The following CREBBP variants were observed in gnomAD, a reference collection of about 807,000 sequenced individuals.
CREBBP encodes CREB-binding protein.
In CREBBP, 19 loss-of-function variants were observed where a neutral mutation model predicts 265.0. That is an observed-to-expected ratio of 0.07 (90% CI 0.05 to 0.11). The LOEUF is 0.11. CREBBP is among the 10% of genes least tolerant of loss of function. The pLI is 1.00. For synonymous variants in CREBBP, 1,457 were observed against 1,223.7 expected (o/e 1.19, Z -3.98); for missense variants, 2,525 against 3,219.0 (o/e 0.78, Z 5.22).
chr16:3,870,691 G>C lies in CREBBP; in HGVS notation c.85+9141C>G, dbSNP rs190243161. Among the ~76,000 whole-genome samples, 53 of 152,312 alleles carry C rather than the reference G, an allele frequency of 3.5e-4. 1 individual carries two copies. The highest frequency in any genetic ancestry group is 4.4e-4 in the Non-Finnish European group (30 of 68,032). ...GGGGCAGAAGCTTCCCATGTATTCA[G>C]TGAGAAGCCTCCTGATTCCGGGTCA... On this transcript the variant is annotated intron_variant, in intron 1 of 30. Transcript: ENST00000262367.
At chr16:3,802,696 C>T (rs1051753593) in intron 3 of CREBBP, among the ~76,000 whole-genome samples, 1 of 152,120 alleles carries the variant, frequency 6.6e-6, no homozygotes, top group South Asian at 2.1e-4. Flanking sequence ...CAGCAAGAGA[C>T]TGACCAAGAA....
chr16:3,776,948 G>A (rs1024145151), intron 11 of CREBBP, among the ~76,000 whole-genome samples: 1 of 152,006 alleles, frequency 6.6e-6, no homozygotes, highest in Non-Finnish European at 1.5e-5. Flanking sequence ...AACCCGGGAG[G>A]CGGAGCTTGC....
chr16:3,729,367 T>G lies in CREBBP; in HGVS notation c.5680A>C (p.Thr1894Pro). The change falls in exon 31 of 31, where the codon ACA becomes CCA. Residue 1894 changes from threonine (T) to proline (P), a missense_variant. Thr to Pro is a conservative substitution (Grantham distance 38). Coordinates refer to ENST00000262367, the MANE Select transcript of CREBBP (RefSeq NM_004380.3). ...GTCTGGGGTGTGCTGGGCTGCTGTG[T>G]GGGGGTCCCGGGCGGTGCTGAGGTA... is the stretch of plus-strand genomic sequence containing the variant. ...SPTSAPPGTP[T>P]QQPSTPQTPQ... 6.2e-7 allele frequency: 1 copy of G among 1,607,104 alleles called. No individual in the cohort carries two copies. The highest frequency in any genetic ancestry group is 1.1e-5 in the South Asian group (1 of 90,896).
chr16:3,795,031 A>G (rs2141291011), intron 3 of CREBBP, among the ~76,000 whole-genome samples: 1 of 152,336 alleles, frequency 6.6e-6, no homozygotes, highest in East Asian at 1.9e-4. Context: ...AAAAGTTTAT[A>G]GAGTTTTCTG....
intron 1 of CREBBP, among the ~76,000 whole-genome samples, chr16:3,872,163 C>G (rs1032868921): frequency 2.0e-5 from 3 of 152,012 alleles, no homozygotes; most frequent in Non-Finnish European, 4.4e-5. Context: ...AATTTAGAAC[C>G]AGAAAACACC....
intron 6 of CREBBP, 41 bp downstream of exon 6, chr16:3,782,643 T>C (rs753227531): frequency 1.2e-6 from 2 of 1,611,302 alleles, no homozygotes; most frequent in Non-Finnish European, 1.7e-6. Context: ...CTTTGCTGCA[T>C]GTGGACAAGT....
At chr16:3,748,564 C>G (rs896680193) in intron 21 of CREBBP, among the ~76,000 whole-genome samples, 5 of 152,194 alleles carry the variant, frequency 3.3e-5, no homozygotes, top group African/African-American at 1.2e-4. Context: ...GCTTGCCACT[C>G]TAGCCACTGG....
chr16:3,868,096 C>T lies in CREBBP; in HGVS notation c.85+11736G>A, dbSNP rs377398413. Among the ~76,000 whole-genome samples, 11 of 152,190 alleles carry T rather than the reference C, an allele frequency of 7.2e-5. No individual in the cohort carries two copies. The South Asian group carries it at 1.7e-3, about 23-fold the overall frequency. ...AGAAGAGACCATATTTGCCTGGCTACGCACAGTCCATCTCTAGAATACGTA... is the reference window on the plus strand; with the variant it reads ...AGAAGAGACCATATTTGCCTGGCTATGCACAGTCCATCTCTAGAATACGTA... On this transcript the variant is annotated intron_variant, in intron 1 of 30. Transcript: ENST00000262367.
intron 14 of CREBBP, 112 bp from the exon 15 acceptor site, chr16:3,769,465 C>T: frequency 7.6e-7 from 1 of 1,317,994 alleles, no homozygotes; most frequent in South Asian, 1.2e-5. Flanking sequence ...AATACTGATC[C>T]AGCAGGTGCC....
In CREBBP at chr16:3,871,193, T is replaced by TCACA. The variant is rs1416407577; in HGVS notation, c.85+8638_85+8639insTGTG. 1.6e-4 allele frequency among the ~76,000 whole-genome samples: 23 copies of TCACA among 142,608 alleles called. No individual in the cohort carries two copies. The East Asian group carries it at 2.5e-3, about 15-fold the overall frequency. The allele number at this position is 142,608 out of a possible 152,430, so 93.6% of individuals were successfully genotyped here. ...TTAGAGATCTCTCTCTCTCTCTCTC[T>TCACA]CTCACTCACACACACACACACACAC... On this transcript the variant is annotated intron_variant, in intron 1 of 30. Coordinates refer to ENST00000262367, the MANE Select transcript of CREBBP (RefSeq NM_004380.3).
In CREBBP at chr16:3,728,438, TTGCTGCTGC is replaced by T. The variant is rs746121736; in HGVS notation, c.6600_6608del (p.Gln2214_Gln2216del). On this transcript the variant is annotated inframe_deletion, in exon 31 of 31. Transcript: ENST00000262367. The surrounding 1 kb of genome is among the most constrained non-coding windows in gnomAD (Gnocchi z 8.7). The stretch of plus-strand genomic sequence containing the variant: ...GTTGCTGCTGTTGTTGCTGCTGCTG[TTGCTGCTGC>T]TGCTGCAGCAGCTGCCTCCGTAACA... 2.5e-4 allele frequency: 401 copies of T among 1,612,514 alleles called. No individual in the cohort carries two copies. Among genetic ancestry groups the T allele is most frequent in the Non-Finnish European group, 3.2e-4 (380 of 1,179,430 alleles).
At chr16:3,770,533 G>C (rs2052975350) in intron 14 of CREBBP, 37 bp downstream of exon 14, 1 of 1,605,478 alleles carries the variant, frequency 6.2e-7, no homozygotes, top group Non-Finnish European at 8.5e-7. Context: ...TCTTCTAAGA[G>C]TCTTGGCCCA....
At chr16:3,842,152 T>C (rs2054577107) in intron 2 of CREBBP, among the ~76,000 whole-genome samples, 1 of 152,228 alleles carries the variant, frequency 6.6e-6, no homozygotes, top group Non-Finnish European at 1.5e-5. Flanking sequence ...TGGATTACCA[T>C]ACAAACTATT....
At chr16:3,783,039 A>G in intron 5 of CREBBP, 113 bp from the exon 6 acceptor site, 1 of 1,342,428 alleles carries the variant, frequency 7.4e-7, no homozygotes, top group Non-Finnish European at 1.0e-6. Context: ...AATACTACAC[A>G]TGAATATCAT....
intron 1 of CREBBP, among the ~76,000 whole-genome samples, chr16:3,857,014 T>TA (rs1325801625): frequency 6.6e-6 from 1 of 152,166 alleles, no homozygotes; most frequent in Admixed American, 6.5e-5. Flanking sequence ...CCTGCATCCT[T>TA]AGGCAAACTG....
chr16:3,833,712 G>A (rs2054387505), intron 2 of CREBBP, among the ~76,000 whole-genome samples: 1 of 152,120 alleles, frequency 6.6e-6, no homozygotes, highest in Non-Finnish European at 1.5e-5. Flanking sequence ...TAAGCAACCT[G>A]ACTTTAATAC....
intron 25 of CREBBP, among the ~76,000 whole-genome samples, chr16:3,738,966 C>G (rs2052137551): frequency 2.0e-5 from 3 of 152,216 alleles, no homozygotes; most frequent in Non-Finnish European, 4.4e-5. Context: ...TTGTCTCAGA[C>G]TCCTGTGGTC....
At chr16:3,826,899 G>C (rs2054247202) in intron 2 of CREBBP, among the ~76,000 whole-genome samples, 1 of 152,130 alleles carries the variant, frequency 6.6e-6, no homozygotes, top group Admixed American at 6.5e-5. Flanking sequence ...ACACAGGAAA[G>C]GTAAGAGGCT....
chr16:3,807,221 GA>G (rs1332757082), intron 3 of CREBBP, among the ~76,000 whole-genome samples: 7 of 152,086 alleles, frequency 4.6e-5, no homozygotes, highest in African/African-American at 1.4e-4. Context: ...CCCAGTGTTG[GA>G]CTCCTATAGA....
Sources: gnomAD v4.1 joint callset for allele counts (sites outside exome capture counted in the v4.1 genomes callset) on GRCh38, gnomAD v4.1.1 for gene constraint, Gnocchi (gnomAD v3.1) non-coding constraint, MANE v1.5 for transcripts, NCBI Gene and HGNC (gene_info 2026-07-23, HGNC 2026-07-21) for gene names.